F10: variants seen among roughly 807,000 people sequenced by gnomAD.
The protein encoded by F10 is Stuart-Prower factor.
In F10, 29 loss-of-function variants were observed where a neutral mutation model predicts 37.1. The ratio of observed to expected loss-of-function variants is 0.78; its 90% CI spans 0.58 to 1.07. The LOEUF (loss-of-function observed/expected upper bound fraction) is 1.07, where lower values mean the gene tolerates loss of function less well. Among genes scored for constraint, F10 ranks in the 50% least tolerant of loss-of-function variants. The pLI is 0.00. For missense variants in F10, 539 were observed against 667.9 expected (o/e 0.81, Z 2.13); for synonymous variants, 262 against 268.6 (o/e 0.98, Z 0.24).
chr13:113,143,710 C>G lies in F10; in HGVS notation c.503-141C>G. Reference sequence around the variant, plus strand: ...GACCCCTGCCGACGACGTGGGGCCTCGCCCTGCAAGCCCGCTGCCCCTCCG... The same window carrying G: ...GACCCCTGCCGACGACGTGGGGCCTGGCCCTGCAAGCCCGCTGCCCCTCCG... On this transcript the variant is annotated intron_variant, in intron 5 of 7. Coordinates refer to ENST00000375559, the MANE Select transcript of F10 (RefSeq NM_000504.4). This position sits in a 1 kb window ranked among gnomAD's most constrained non-coding sequence, Gnocchi z 6.8. The G allele has an allele frequency of 6.6e-6, 8 of 1,220,196 alleles. No individual in the cohort carries two copies. In the Admixed American group the frequency reaches 9.7e-5, roughly 15 times the overall value. 75.6% of individuals were successfully genotyped at this position (1,220,196 alleles called of 1,614,324 possible).
At chr13:113,140,796 C>A in intron 4 of F10, 123 bp from the exon 5 acceptor site, 1 of 1,460,652 alleles carries the variant, frequency 6.8e-7, no homozygotes, top group Non-Finnish European at 9.6e-7. Flanking sequence ...TGGCTCTGGC[C>A]CTTTGCTCAA....
intron 2 of F10, among the ~76,000 whole-genome samples, chr13:113,133,375 G>A (rs1440907630): frequency 1.3e-5 from 2 of 152,100 alleles, no homozygotes; most frequent in Non-Finnish European, 2.9e-5. Context: ...CATCACTACA[G>A]AAACTGTAGA....
intron 2 of F10, among the ~76,000 whole-genome samples, chr13:113,136,633 C>CT (rs1170291536): frequency 0.029 from 173 of 6,016 alleles, 56 homozygotes; most frequent in Non-Finnish European, 0.054. Flanking sequence ...AATTCTTGTA[C>CT]TTTTTTTTTT....
At chr13:113,135,666 T>C (rs1417546759) in intron 2 of F10, among the ~76,000 whole-genome samples, 1 of 152,210 alleles carries the variant, frequency 6.6e-6, no homozygotes, top group Non-Finnish European at 1.5e-5. Context: ...GTTGAGACCA[T>C]AGCAGTGTTG....
rs2036405079 is a variant in F10, at chr13:113,129,453, G to A, written c.72G>A (p.Leu24=). The change falls in exon 2 of 8, where the codon CTG becomes CTA. Residue 24 remains leucine (L), a splice_region_variant and synonymous_variant. Coordinates refer to ENST00000375559, the MANE Select transcript of F10 (RefSeq NM_000504.4). The stretch of plus-strand genomic sequence containing the variant: ...AACCCTGTCCTCCCTGCCTTCCAGT[G>A]TTCATCCGCAGGGAGCAGGCCAACA... ...LAGLLLLGES[L]FIRREQANNI... The A allele has an allele frequency of 6.2e-7, 1 of 1,613,598 alleles. No individual in the cohort carries two copies. Among genetic ancestry groups the A allele is most frequent in the African/African-American group, 1.3e-5 (1 of 74,896 alleles).
At position 113,143,760 on chromosome 13, in the gene F10, GCTCT is replaced by G. The variant is rs2036554692; in HGVS notation, c.503-88_503-85del. 3 of 1,585,334 alleles carry G rather than the reference GCTCT, an allele frequency of 1.9e-6. No individual in the cohort carries two copies. The South Asian group carries it at 3.3e-5, about 18-fold the overall frequency. ...GGGTGCCCCTGCGCTCTGCCTCCCG[GCTCT>G]CTGACTCTTCTCCCTCAGGGTGAGC... On this transcript the variant is annotated intron_variant, in intron 5 of 7. Coordinates refer to ENST00000375559, the MANE Select transcript of F10 (RefSeq NM_000504.4). This position sits in a 1 kb window ranked among gnomAD's most constrained non-coding sequence, Gnocchi z 6.8.
chr13:113,145,658 C>T (rs1222830936), intron 6 of F10, among the ~76,000 whole-genome samples: 1 of 152,140 alleles, frequency 6.6e-6, no homozygotes, highest in African/African-American at 2.4e-5. Context: ...ACTCACAGTT[C>T]CACGTGGCTG....
chr13:113,147,239 C>G (rs1473075077), intron 6 of F10, 140 bp from the exon 7 acceptor site: 1 of 705,174 alleles, frequency 1.4e-6, no homozygotes, highest in Admixed American at 2.0e-5. Context: ...AAGGAACTGT[C>G]CTTGGGTGGA....
intron 2 of F10, among the ~76,000 whole-genome samples, chr13:113,137,325 G>T (rs2036488057): frequency 1.3e-5 from 2 of 152,072 alleles, no homozygotes; most frequent in Admixed American, 1.3e-4. Flanking sequence ...TAGATTAGTG[G>T]TGGGACAGGG....
intron 2 of F10, chr13:113,129,997 G>A (rs1439921845): frequency 1.2e-5 from 4 of 341,004 alleles, no homozygotes; most frequent in Non-Finnish European, 2.3e-5. Context: ...CCCGCAGCCC[G>A]CGTCCTGCCT....
rs943665336 is a variant in F10, at chr13:113,139,638, A to C, written c.370+168A>C. On this transcript the variant is annotated intron_variant, in intron 4 of 7. Transcript: ENST00000375559. This position sits in a 1 kb window ranked among gnomAD's most constrained non-coding sequence, Gnocchi z 5.2. ...ACTGTGCCACTATAGCAATAGAAAA[A>C]AAAGCCCCAATATGTCCCCCAAACG... is the stretch of plus-strand genomic sequence containing the variant. Among the ~76,000 whole-genome samples the C allele has an allele frequency of 6.6e-6, 1 of 152,094 alleles. No individual in the cohort carries two copies. Among genetic ancestry groups the C allele is most frequent in the African/African-American group, 2.4e-5 (1 of 41,414 alleles).
chr13:113,149,114 C>T lies in F10; in HGVS notation c.1064C>T (p.Thr355Met), dbSNP rs746308548. 7.4e-6 allele frequency: 12 copies of T among 1,612,936 alleles called. No homozygotes were observed. Among genetic ancestry groups the T allele is most frequent in the Middle Eastern group, 1.6e-4 (1 of 6,084 alleles). ...ERDWAESTLM[T>M]QKTGIVSGFG... ...GACTGGGCCGAGTCCACGCTGATGA[C>T]GCAGAAGACGGGGATTGTGAGCGGC... The change falls in exon 8 of 8, where the codon ACG becomes ATG. Residue 355 changes from threonine to methionine, a missense_variant. Physicochemically the swap from Thr to Met is moderately conservative, Grantham distance 81. Around this residue, in one of 2 missense-constraint regions of F10, gnomAD observed 409 missense variants for 547.9 expected, o/e 0.75. Coordinates refer to ENST00000375559, the MANE Select transcript of F10 (RefSeq NM_000504.4). This position sits in a 1 kb window ranked among gnomAD's most constrained non-coding sequence, Gnocchi z 7.5.
At chr13:113,125,462 C>T (rs540193984) in intron 1 of F10, among the ~76,000 whole-genome samples, 1 of 152,350 alleles carries the variant, frequency 6.6e-6, no homozygotes, top group African/African-American at 2.4e-5. Context: ...GATTGCAATG[C>T]TCCCAACAGC....
chr13:113,147,907 A>G (rs1227107194), intron 7 of F10, among the ~76,000 whole-genome samples: 1 of 152,212 alleles, frequency 6.6e-6, no homozygotes, highest in Non-Finnish European at 1.5e-5. Context: ...GGATTGTTTC[A>G]TTAACATCTG....
intron 3 of F10, among the ~76,000 whole-genome samples, chr13:113,138,940 GA>G (rs2036502898): frequency 6.6e-6 from 1 of 152,196 alleles, no homozygotes; most frequent in Non-Finnish European, 1.5e-5. Flanking sequence ...AATCCTCCAA[GA>G]AATGGGAAGC....
rs2138540316 is a variant in F10, at chr13:113,138,618, C to T, written c.256+137C>T. ...AAGACTTTTTCCCTCAGGGTGTTTC[C>T]ATAATAGTTATTGTAAAAGAGTTTT... On this transcript the variant is annotated intron_variant, in intron 3 of 7. Transcript: ENST00000375559. 4.8e-6 allele frequency: 3 copies of T among 623,106 alleles called. No homozygotes were observed. The Middle Eastern group carries it at 9.9e-4, about 206-fold the overall frequency. The allele number at this position is 623,106 out of a possible 1,614,324, so 38.6% of individuals were successfully genotyped here.
At chr13:113,133,219 T>C (rs750274109) in intron 2 of F10, among the ~76,000 whole-genome samples, 3 of 151,266 alleles carry the variant, frequency 2.0e-5, no homozygotes, top group Non-Finnish European at 4.4e-5. Flanking sequence ...CAAAAGGAAA[T>C]TGAAAAAGCA....
chr13:113,124,453 C>T (rs115468660), intron 1 of F10, among the ~76,000 whole-genome samples: 165 of 152,318 alleles, frequency 1.1e-3, no homozygotes, highest in African/African-American at 3.8e-3. Context: ...GTGGTGTCCC[C>T]GGGGGCCGGC....
Position 113,139,482 on chromosome 13 carries a change from T to G in F10, c.370+12T>G. On this transcript the variant is annotated intron_variant, in intron 4 of 7. Transcript: ENST00000375559. This position sits in a 1 kb window ranked among gnomAD's most constrained non-coding sequence, Gnocchi z 5.2. ...AAACTGTGAATTATGTAGGTTCCTC[T>G]GCTTGGTATACCTTCAGATCAGATG... 1 of 1,601,806 alleles carries G rather than the reference T, an allele frequency of 6.2e-7. No individual in the cohort carries two copies. The highest frequency in any genetic ancestry group is 8.6e-7 in the Non-Finnish European group (1 of 1,168,818).
Sources: gnomAD v4.1 joint callset for allele counts (sites outside exome capture counted in the v4.1 genomes callset) on GRCh38, gnomAD v4.1.1 for gene constraint, gnomAD v4.1.1 regional missense constraint, Gnocchi (gnomAD v3.1) non-coding constraint, MANE v1.5 for transcripts, NCBI Gene and HGNC (gene_info 2026-07-23, HGNC 2026-07-21) for gene names.